The following TCF12 variants were observed in gnomAD, a reference collection of about 807,000 sequenced individuals.
TCF12 encodes the protein transcription factor 12.
Under a neutral mutation model 86.0 loss-of-function variants are expected in TCF12, and 45 were observed. The observed-to-expected ratio is 0.52, with a 90% confidence interval of 0.41 to 0.67. The LOEUF (loss-of-function observed/expected upper bound fraction) is 0.67. Ranked by LOEUF, TCF12 falls within the 30% of genes least tolerant of loss-of-function variation. The pLI is 0.00. For synonymous variants in TCF12, 330 were observed against 299.6 expected (o/e 1.10, Z -1.05); for missense variants, 881 against 859.9 (o/e 1.02, Z -0.31).
At chr15:57,235,165 A>C (rs1867639) in intron 12 of TCF12, among the ~76,000 whole-genome samples, 11,392 of 152,260 alleles carry the variant, frequency 0.075, 1,249 homozygotes, top group African/African-American at 0.24. Context: ...ATGTTTGTTG[A>C]ATTCTGTCTT....
chr15:57,064,795 CAA>C (rs1177544594), intron 4 of TCF12, among the ~76,000 whole-genome samples: 8 of 78,116 alleles, frequency 1.0e-4, no homozygotes, highest in Admixed American at 3.7e-4. Context: ...GACTCCATCT[CAA>C]AAAAAAAAAA....
intron 5 of TCF12, among the ~76,000 whole-genome samples, chr15:57,137,341 C>T (rs2052623864): frequency 6.6e-6 from 1 of 152,106 alleles, no homozygotes; most frequent in African/African-American, 2.4e-5. Context: ...CATTTTTCCC[C>T]ATGTATTTTA....
intron 8 of TCF12, among the ~76,000 whole-genome samples, chr15:57,220,681 G>C (rs1167661374): frequency 1.3e-5 from 2 of 151,780 alleles, no homozygotes; most frequent in Non-Finnish European, 2.9e-5. Flanking sequence ...CTATAAGCCA[G>C]AGGATTTTAT....
intron 8 of TCF12, among the ~76,000 whole-genome samples, chr15:57,225,108 A>AT (rs1414739523): frequency 7.0e-6 from 1 of 143,612 alleles, no homozygotes; most frequent in African/African-American, 2.7e-5. Flanking sequence ...TTTTTAGGTT[A>AT]TTTTCTTTGG....
At chr15:57,230,642 C>T (rs1291249666) in intron 8 of TCF12, among the ~76,000 whole-genome samples, 1 of 151,976 alleles carries the variant, frequency 6.6e-6, no homozygotes, top group East Asian at 1.9e-4. Context: ...AAGGAAGTTC[C>T]TGAACAATTG....
intron 5 of TCF12, among the ~76,000 whole-genome samples, chr15:57,097,274 T>C (rs2049390903): frequency 1.3e-5 from 2 of 152,084 alleles, no homozygotes; most frequent in Admixed American, 6.6e-5. Context: ...GTGGGGTGGC[T>C]CACATTCCCA....
At chr15:56,970,743 G>T (rs958070463) in intron 3 of TCF12, among the ~76,000 whole-genome samples, 40 of 151,954 alleles carry the variant, frequency 2.6e-4, no homozygotes, top group African/African-American at 9.2e-4. Context: ...AAAGTCAAAA[G>T]ACAGATAGAA....
At chr15:57,262,969 A>G (rs1054518146) in intron 17 of TCF12, 143 bp from the exon 18 acceptor site, 2 of 775,754 alleles carry the variant, frequency 2.6e-6, no homozygotes, top group Middle Eastern at 3.8e-4. Context: ...TCTAAATAGT[A>G]TACTTTCCTA....
intron 6 of TCF12, among the ~76,000 whole-genome samples, chr15:57,174,590 T>C (rs766662382): frequency 2.0e-5 from 3 of 152,186 alleles, no homozygotes; most frequent in Non-Finnish European, 4.4e-5. Flanking sequence ...AAGGAGTAAG[T>C]TGAATTTGCT....
chr15:57,049,133 G>C (rs780288609), intron 3 of TCF12, among the ~76,000 whole-genome samples: 1 of 152,146 alleles, frequency 6.6e-6, no homozygotes, highest in Non-Finnish European at 1.5e-5. Flanking sequence ...TGGCCCACTT[G>C]CAGCAATTTG....
intron 1 of TCF12, 105 bp from the exon 2 acceptor site, chr15:56,919,787 G>T: frequency 1.0e-6 from 1 of 989,212 alleles, no homozygotes; most frequent in Non-Finnish European, 1.5e-6. Context: ...AAGTCATCCC[G>T]GCGCCCCCAG....
chr15:57,194,299 C>A (rs1228905824), intron 7 of TCF12, among the ~76,000 whole-genome samples: 1 of 152,154 alleles, frequency 6.6e-6, no homozygotes, highest in African/African-American at 2.4e-5. Context: ...TTTCACAAAA[C>A]CTCTGTGAGG....
At chr15:57,040,231 C>T (rs767177987) in intron 3 of TCF12, among the ~76,000 whole-genome samples, 1 of 152,206 alleles carries the variant, frequency 6.6e-6, no homozygotes, top group Non-Finnish European at 1.5e-5. Context: ...AGCAAAGATT[C>T]TGAACCATTA....
intron 18 of TCF12, 24 bp from the exon 19 acceptor site, chr15:57,273,006 C>A (rs772767692): frequency 3.7e-6 from 6 of 1,604,960 alleles, no homozygotes; most frequent in Non-Finnish European, 5.1e-6. Flanking sequence ...ACCTAATAGA[C>A]CTTGTTGTTA....
intron 3 of TCF12, among the ~76,000 whole-genome samples, chr15:56,987,180 G>C (rs543235191): frequency 6.6e-6 from 1 of 151,710 alleles, no homozygotes; most frequent in African/African-American, 2.4e-5. Flanking sequence ...GGCGCAATCT[G>C]GGCTCACTGC....
rs113124690 is a variant in TCF12 at position 57,284,758 on chromosome 15, TCA to T, written c.*12-1398_*12-1397del. ...CTACCCATTTCCTCTTGTTTTCTTCTCAGTCTCTCTTACTCGTTCAACTTTGT... is the reference window on the plus strand; with the variant it reads ...CTACCCATTTCCTCTTGTTTTCTTCTGTCTCTCTTACTCGTTCAACTTTGT... On this transcript the variant is annotated intron_variant, in intron 20 of 20. Coordinates refer to ENST00000333725, the MANE Select transcript of TCF12 (RefSeq NM_207037.2). Among the ~76,000 whole-genome samples the T allele has an allele frequency of 8.9e-4, 135 of 152,354 alleles. 4 individuals carry two copies. Among genetic ancestry groups the T allele is most frequent in the African/African-American group, 3.2e-3 (133 of 41,590 alleles).
chr15:57,212,239 G>T (rs1032817552), intron 8 of TCF12, among the ~76,000 whole-genome samples: 3 of 152,116 alleles, frequency 2.0e-5, no homozygotes, highest in Non-Finnish European at 4.4e-5. Context: ...GTTCTGAACT[G>T]CAGTTACATG....
In TCF12 at chr15:57,286,757, A is replaced by G; in HGVS notation, c.*612A>G. On this transcript the variant is annotated 3_prime_UTR_variant, in exon 21 of 21. Transcript: ENST00000333725. ...AATAGCGTTTTCCATGAAATAGGAA[A>G]ATATTACTTGGTATAGCATTTCTCT... The G allele has an allele frequency of 4.7e-6, 2 of 425,194 alleles. No homozygotes were observed. Among genetic ancestry groups the G allele is most frequent in the Admixed American group, 2.8e-5 (1 of 35,120 alleles). The allele number at this position is 425,194 out of a possible 1,614,324, so 26.3% of individuals were successfully genotyped here.
chr15:57,082,703 G>A (rs1256448996), intron 4 of TCF12, among the ~76,000 whole-genome samples: 1 of 152,172 alleles, frequency 6.6e-6, no homozygotes, highest in Non-Finnish European at 1.5e-5. Flanking sequence ...AGAGATATGA[G>A]ACTTTCCCCC....
Sources: allele counts gnomAD v4.1 joint callset (sites outside exome capture counted in the v4.1 genomes callset), GRCh38; gene constraint gnomAD v4.1.1; transcripts MANE v1.5; gene names NCBI Gene and HGNC (gene_info 2026-07-23, HGNC 2026-07-21).